Variants in COL4A6 observed in about 807,000 individuals in gnomAD.
The protein encoded by COL4A6 is collagen alpha-6(IV) chain.
COL4A6 carries 59 observed loss-of-function variants against 126.7 expected under a neutral mutation model. That is an observed-to-expected ratio of 0.47 (90% CI 0.38 to 0.58). The LOEUF (loss-of-function observed/expected upper bound fraction) is 0.58, where lower values mean the gene tolerates loss of function less well. Among genes scored for constraint, COL4A6 ranks in the 20% least tolerant of loss-of-function variants. The pLI, the probability that COL4A6 is intolerant of heterozygous loss-of-function variation, is 0.00. For missense variants in COL4A6, 1,285 were observed against 1,337.3 expected, an observed-to-expected ratio of 0.96 and a Z score of 0.61; for synonymous variants, 547 against 496.6, an observed-to-expected ratio of 1.10 and a Z score of -1.35.
rs1160748042 is a variant in COL4A6 at position 108,343,165 on chromosome X, AGTGTGTG to A, written c.64-32344_64-32338del. Reference sequence around the variant, plus strand: ...TATATATATATATATATATATATATAGTGTGTGTGTGTGTGTGTGTGTGTGTGTGTGT... The same window carrying A: ...TATATATATATATATATATATATATATGTGTGTGTGTGTGTGTGTGTGTGT... On this transcript the variant is annotated intron_variant, in intron 2 of 44. Coordinates refer to ENST00000334504, the MANE Select transcript of COL4A6 (RefSeq NM_033641.4). Among the ~76,000 whole-genome samples, 23 of 31,414 alleles carry A rather than the reference AGTGTGTG, an allele frequency of 7.3e-4. No individual in the cohort carries two copies. The South Asian group carries it at 0.011, about 14-fold the overall frequency. The allele number at this position is 31,414 out of a possible 115,157, so 27.3% of individuals were successfully genotyped here.
At chrX:108,174,834 G>A (rs922981620) in intron 30 of COL4A6, among the ~76,000 whole-genome samples, 14 of 111,072 alleles carry the variant, frequency 1.3e-4, no homozygotes, top group Non-Finnish European at 2.6e-4. Flanking sequence ...CAGTGCTCAG[G>A]GTCCTCCAGG....
intron 2 of COL4A6, among the ~76,000 whole-genome samples, chrX:108,386,279 C>A (rs1437308274): frequency 8.9e-6 from 1 of 111,778 alleles, no homozygotes; most frequent in Non-Finnish European, 1.9e-5. Context: ...GTTCTAGATC[C>A]CTGAGGAATA....
chrX:108,363,370 A>G (rs1364508173), intron 2 of COL4A6, among the ~76,000 whole-genome samples: 1 of 112,141 alleles, frequency 8.9e-6, no homozygotes, highest in Non-Finnish European at 1.9e-5. Context: ...AAATTCCTGC[A>G]AAGAATCTAG....
chrX:108,294,053 T>G (rs1379738862), intron 3 of COL4A6, among the ~76,000 whole-genome samples: 1 of 112,240 alleles, frequency 8.9e-6, no homozygotes, highest in African/African-American at 3.2e-5. Flanking sequence ...GAGCATGTAC[T>G]CTGTTTCAAG....
chrX:108,418,888 A>G (rs1225956508), intron 2 of COL4A6, among the ~76,000 whole-genome samples: 1 of 112,210 alleles, frequency 8.9e-6, no homozygotes, highest in Non-Finnish European at 1.9e-5. Flanking sequence ...ACCTGCAGAT[A>G]CCCTGGACCA....
chrX:108,209,329 C>T lies in COL4A6; in HGVS notation c.546+640G>A, dbSNP rs767917135. ...AAGTTGCTGTGGAATTCTTATGCCA[C>T]ATTCCTACTAGTTTTTCCCACCCTT... On this transcript the variant is annotated intron_variant, in intron 8 of 44. Transcript: ENST00000334504. 6.2e-5 allele frequency among the ~76,000 whole-genome samples: 7 copies of T among 112,170 alleles called. No homozygotes were observed. In the South Asian group the frequency reaches 1.9e-3, roughly 30 times the overall value.
intron 2 of COL4A6, among the ~76,000 whole-genome samples, chrX:108,313,495 T>A (rs886947312): frequency 2.2e-4 from 25 of 111,458 alleles, no homozygotes; most frequent in African/African-American, 3.9e-4. Flanking sequence ...AGCAAAAAAA[T>A]TTTTTTAAAT....
In COL4A6 at chrX:108,297,745, A is replaced by C. The variant is rs1384147975; in HGVS notation, c.144+13003T>G. Reference sequence around the variant, plus strand: ...TGTGGGCCCCTGGGAAGTGGGAAGAAAATCTGGTCTCTAGAGTGAGGGGCA... The same window carrying C: ...TGTGGGCCCCTGGGAAGTGGGAAGACAATCTGGTCTCTAGAGTGAGGGGCA... On this transcript the variant is annotated intron_variant, in intron 3 of 44. Transcript: ENST00000334504. 2.7e-5 allele frequency among the ~76,000 whole-genome samples: 3 copies of C among 110,811 alleles called. No homozygotes were observed. In the East Asian group the frequency reaches 8.6e-4, roughly 32 times the overall value.
intron 2 of COL4A6, among the ~76,000 whole-genome samples, chrX:108,346,719 C>T (rs897869792): frequency 6.2e-5 from 7 of 112,496 alleles, no homozygotes; most frequent in Non-Finnish European, 1.3e-4. Flanking sequence ...AGCCACCAAA[C>T]TTCTAAATAA....
intron 2 of COL4A6, among the ~76,000 whole-genome samples, chrX:108,332,207 T>C (rs1325079365): frequency 8.9e-6 from 1 of 111,855 alleles, no homozygotes; most frequent in Non-Finnish European, 1.9e-5. Context: ...TGGCTGTCAT[T>C]CCATGGGATA....
At chrX:108,238,230 A>C (rs1364022353) in intron 3 of COL4A6, among the ~76,000 whole-genome samples, 2 of 107,581 alleles carry the variant, frequency 1.9e-5, no homozygotes, top group African/African-American at 3.4e-5. Context: ...CTCAGCCTCC[A>C]GAGTAGCTGG....
intron 3 of COL4A6, among the ~76,000 whole-genome samples, chrX:108,242,475 A>G (rs968606661): frequency 4.5e-5 from 5 of 112,189 alleles, no homozygotes; most frequent in African/African-American, 1.6e-4. Context: ...TAACAAGACC[A>G]GACAGAATAT....
intron 2 of COL4A6, among the ~76,000 whole-genome samples, chrX:108,346,409 T>C: frequency 9.0e-6 from 1 of 111,525 alleles, no homozygotes; most frequent in Non-Finnish European, 1.9e-5. Flanking sequence ...TCACAAACTG[T>C]CCAGAGGCCT....
At chrX:108,379,339 T>A (rs1244702126) in intron 2 of COL4A6, among the ~76,000 whole-genome samples, 1 of 109,401 alleles carries the variant, frequency 9.1e-6, no homozygotes, top group Non-Finnish European at 1.9e-5. Context: ...AGCCGCAACC[T>A]CCTGGGATCA....
chrX:108,352,171 C>G (rs1409956390), intron 2 of COL4A6, among the ~76,000 whole-genome samples: 1 of 112,337 alleles, frequency 8.9e-6, no homozygotes, highest in Admixed American at 9.4e-5. Context: ...TGTTGCTTAC[C>G]TGCTGTTGCT....
intron 2 of COL4A6, among the ~76,000 whole-genome samples, chrX:108,341,280 A>C (rs1170789286): frequency 9.0e-6 from 1 of 111,299 alleles, no homozygotes; most frequent in Non-Finnish European, 1.9e-5. Flanking sequence ...TTCAGCTCTA[A>C]TGTCACCTCT....
intron 3 of COL4A6, among the ~76,000 whole-genome samples, chrX:108,264,216 C>G (rs1352273479): frequency 9.0e-6 from 1 of 111,324 alleles, no homozygotes; most frequent in Non-Finnish European, 1.9e-5. Context: ...CACTTTCAGT[C>G]CCAGCTTCTG....
Position 108,169,572 on chromosome X carries a change from T to C in COL4A6, c.3614A>G (p.Lys1205Arg). Residue 1205 changes from lysine (K) to arginine (R), a missense_variant, in exon 37 of 45, where the codon AAA becomes AGA. Transcript: ENST00000334504. ...AATTCCTGGATATCCTTTTTCTCCT[T>C]TGGGTCCAGGGAGACCAGCAGGCCC... ...VPGPAGLPGP[K>R]GEKGYPGIGI... 4 of 1,211,327 alleles carry C rather than the reference T, an allele frequency of 3.3e-6. No individual in the cohort carries two copies. Among genetic ancestry groups the C allele is most frequent in the Non-Finnish European group, 4.5e-6 (4 of 895,364 alleles).
chrX:108,277,359 T>G (rs1353365158), intron 3 of COL4A6, among the ~76,000 whole-genome samples: 1 of 111,895 alleles, frequency 8.9e-6, no homozygotes, highest in African/African-American at 3.3e-5. Context: ...GCTCAGAGGG[T>G]CCTACGCCCA....
Sources: allele counts gnomAD v4.1 joint callset (sites outside exome capture counted in the v4.1 genomes callset), GRCh38; gene constraint gnomAD v4.1.1; transcripts MANE v1.5; gene names NCBI Gene and HGNC (gene_info 2026-07-23, HGNC 2026-07-21).